Variants in TGFBR3 observed in about 807,000 individuals in gnomAD.
TGFBR3 encodes transforming growth factor beta receptor type 3.
TGFBR3 carries 46 observed loss-of-function variants against 87.9 expected under a neutral mutation model. The observed-to-expected ratio is 0.52, with a 90% confidence interval of 0.41 to 0.67. The LOEUF is 0.67. TGFBR3 is among the 30% of genes least tolerant of loss of function. TGFBR3 has a pLI of 0.00. For missense variants in TGFBR3, 866 were observed against 1,041.9 expected (o/e 0.83, Z 2.32); for synonymous variants, 381 against 391.6 (o/e 0.97, Z 0.32).
chr1:91,816,774 G>A (rs546253789), intron 2 of TGFBR3, among the ~76,000 whole-genome samples: 2 of 152,156 alleles, frequency 1.3e-5, no homozygotes, highest in Non-Finnish European at 2.9e-5. Flanking sequence ...GAAGCATTAA[G>A]AAATTTAGTT....
At chr1:91,842,783 G>A (rs1019879485) in intron 2 of TGFBR3, among the ~76,000 whole-genome samples, 2 of 152,162 alleles carry the variant, frequency 1.3e-5, no homozygotes, top group African/African-American at 2.4e-5. Flanking sequence ...TGCTTTACAA[G>A]TATTTTATCC....
intron 2 of TGFBR3, among the ~76,000 whole-genome samples, chr1:91,804,004 A>G (rs1675741303): frequency 6.6e-6 from 1 of 152,104 alleles, no homozygotes; most frequent in African/African-American, 2.4e-5. Flanking sequence ...TGCCTGCCTC[A>G]CCCCAGCACA....
chr1:91,854,604 G>A (rs1677868136), intron 2 of TGFBR3, among the ~76,000 whole-genome samples: 1 of 152,084 alleles, frequency 6.6e-6, no homozygotes, highest in Non-Finnish European at 1.5e-5. Flanking sequence ...TATTTTAAGT[G>A]TTCTCACCAC....
intron 3 of TGFBR3, among the ~76,000 whole-genome samples, chr1:91,789,167 C>T (rs1397835731): frequency 6.6e-6 from 1 of 152,178 alleles, no homozygotes; most frequent in Non-Finnish European, 1.5e-5. Context: ...ATTAGCTGGG[C>T]ATGGTGGCGT....
chr1:91,825,986 A>AC (rs956516756), intron 2 of TGFBR3, among the ~76,000 whole-genome samples: 31 of 151,816 alleles, frequency 2.0e-4, no homozygotes, highest in African/African-American at 7.2e-4. Context: ...CTCAAAAAAA[A>AC]AAAAATCCAC....
At chr1:91,904,858 G>A (rs752054824) in intron 1 of TGFBR3, among the ~76,000 whole-genome samples, 13 of 151,942 alleles carry the variant, frequency 8.6e-5, no homozygotes, top group African/African-American at 1.2e-4. Flanking sequence ...GAGCCACCGC[G>A]CCCGGCCTAA....
intron 2 of TGFBR3, among the ~76,000 whole-genome samples, chr1:91,814,949 C>G (rs1411084831): frequency 6.6e-6 from 1 of 152,146 alleles, no homozygotes; most frequent in Admixed American, 6.6e-5. Context: ...ACAAAATTAA[C>G]CTCCAACACC....
chr1:91,711,055 C>A (rs1328385866), intron 13 of TGFBR3, among the ~76,000 whole-genome samples: 1 of 152,172 alleles, frequency 6.6e-6, no homozygotes, highest in Non-Finnish European at 1.5e-5. Flanking sequence ...AGACCTCTAA[C>A]CCTTAAACGT....
At chr1:91,759,053 C>G (rs1673855077) in intron 3 of TGFBR3, among the ~76,000 whole-genome samples, 1 of 152,150 alleles carries the variant, frequency 6.6e-6, no homozygotes, top group Non-Finnish European at 1.5e-5. Flanking sequence ...TAAAAGTCAG[C>G]AAAGGTGGAA....
At chr1:91,753,390 CAAAAAAA>C (rs71586711) in intron 4 of TGFBR3, among the ~76,000 whole-genome samples, 5 of 52,354 alleles carry the variant, frequency 9.6e-5, no homozygotes, top group Non-Finnish European at 1.3e-4. Flanking sequence ...ACTCTGTCCT[CAAAAAAA>C]AAAAAAAAAA....
intron 4 of TGFBR3, among the ~76,000 whole-genome samples, chr1:91,751,325 G>T (rs910780611): frequency 6.6e-6 from 1 of 152,086 alleles, no homozygotes; most frequent in Admixed American, 6.5e-5. Context: ...TTCTTAGGGC[G>T]TTTTTGGACA....
rs537962405 is a variant in TGFBR3 at position 91,847,706 on chromosome 1, C to T, written c.61+13765G>A. ...GAAATGAGGTATACCCAACTTTTAA[C>T]TTTTAGTCCCTAACTCCAGAGCCAC... is the stretch of plus-strand genomic sequence containing the variant. On this transcript the variant is annotated intron_variant, in intron 2 of 16. Transcript: ENST00000212355. Among the ~76,000 whole-genome samples, 4 of 151,398 alleles carry T rather than the reference C, an allele frequency of 2.6e-5. No homozygotes were observed. In the East Asian group the frequency reaches 7.8e-4, roughly 30 times the overall value.
intron 2 of TGFBR3, among the ~76,000 whole-genome samples, chr1:91,845,678 C>A (rs1466121047): frequency 2.0e-5 from 3 of 152,144 alleles, no homozygotes; most frequent in Admixed American, 2.0e-4. Context: ...ATGTAGTATA[C>A]CCTGACCTTA....
chr1:91,761,404 C>A (rs1313199909), intron 3 of TGFBR3, among the ~76,000 whole-genome samples: 1 of 152,128 alleles, frequency 6.6e-6, no homozygotes. Context: ...CAGTGTCTGG[C>A]CAAGATGAAT....
intron 1 of TGFBR3, among the ~76,000 whole-genome samples, chr1:91,873,245 A>G (rs1678655252): frequency 6.7e-6 from 1 of 148,394 alleles, no homozygotes; most frequent in Non-Finnish European, 1.5e-5. Flanking sequence ...CACTGGGATT[A>G]TAGGGGTAAG....
In TGFBR3 at chr1:91,882,817, A is replaced by G. The variant is rs144575787; in HGVS notation, c.-114+3061T>C. Among the ~76,000 whole-genome samples, 83 of 152,296 alleles carry G rather than the reference A, an allele frequency of 5.4e-4. 2 individuals are homozygous for G. In the East Asian group the frequency reaches 0.016, roughly 29 times the overall value. ...AAGCATATTCTTATTGTTTATGTTT[A>G]CAAGTATGAGTATTCATAGACACAT... On this transcript the variant is annotated intron_variant, in intron 1 of 16. Coordinates refer to ENST00000212355, the MANE Select transcript of TGFBR3 (RefSeq NM_003243.5).
At chr1:91,699,082 C>A (rs1371520451) in intron 14 of TGFBR3, among the ~76,000 whole-genome samples, 1 of 152,190 alleles carries the variant, frequency 6.6e-6, no homozygotes, top group African/African-American at 2.4e-5. Flanking sequence ...AATCCACACT[C>A]TTTAACATGG....
chr1:91,712,139 G>T, intron 13 of TGFBR3, 104 bp downstream of exon 13: 1 of 1,040,884 alleles, frequency 9.6e-7, no homozygotes, highest in Non-Finnish European at 1.5e-6. Flanking sequence ...CAGTTGGGCA[G>T]TTCCAAAACA....
intron 4 of TGFBR3, among the ~76,000 whole-genome samples, chr1:91,743,259 G>A (rs1410656544): frequency 6.6e-6 from 1 of 152,162 alleles, no homozygotes; most frequent in East Asian, 1.9e-4. Context: ...CTTCAGTGGT[G>A]AGGAGAGGAA....
Sources: gnomAD v4.1 joint callset for allele counts (sites outside exome capture counted in the v4.1 genomes callset) on GRCh38, gnomAD v4.1.1 for gene constraint, MANE v1.5 for transcripts, NCBI Gene and HGNC (gene_info 2026-07-23, HGNC 2026-07-21) for gene names.